CFI: variants seen among roughly 807,000 people sequenced by gnomAD.
The protein encoded by CFI is C3B/C4B inactivator.
Under a neutral mutation model 78.8 loss-of-function variants are expected in CFI, and 66 were observed. The observed-to-expected ratio is 0.84, with a 90% CI of 0.69 to 1.03. The LOEUF (loss-of-function observed/expected upper bound fraction) is 1.03. CFI is among the 50% of genes least tolerant of loss of function. The pLI is 0.00. For synonymous variants in CFI, 250 were observed against 232.6 expected (o/e 1.07, Z -0.68); for missense variants, 706 against 704.5 (o/e 1.00, Z -0.02).
chr4:109,746,316 C>T lies in CFI; in HGVS notation c.1335G>A (p.Glu445=), dbSNP rs150663120. The change falls in exon 11 of 13, where the codon GAG becomes GAA. Residue 445 remains glutamate (E), a synonymous_variant. Transcript: ENST00000394634. ...MKKDGNKKDC[E]LPRSIPACVP... Reference sequence around the variant, plus strand: ...CACAGGCAGGGATGGAACGAGGCAGCTCACAATCTTTTTTGTTTCCGTCTT... The same window carrying T: ...CACAGGCAGGGATGGAACGAGGCAGTTCACAATCTTTTTTGTTTCCGTCTT... 2 of 1,614,148 alleles carry T rather than the reference C, an allele frequency of 1.2e-6. No individual in the cohort carries two copies. Among genetic ancestry groups the T allele is most frequent in the Admixed American group, 1.7e-5 (1 of 60,016 alleles).
intron 1 of CFI, among the ~76,000 whole-genome samples, chr4:109,786,381 A>G (rs1000959460): frequency 1.3e-5 from 2 of 151,952 alleles, no homozygotes; most frequent in Admixed American, 6.6e-5. Context: ...ATTTTTATGT[A>G]AACTTTATCT....
At chr4:109,795,584 A>T (rs1034163266) in intron 1 of CFI, among the ~76,000 whole-genome samples, 1 of 152,206 alleles carries the variant, frequency 6.6e-6, no homozygotes, top group African/African-American at 2.4e-5. Flanking sequence ...AAAGAGCTAT[A>T]AAAGGACACA....
chr4:109,751,438 CTTTTT>C (rs66497003), intron 8 of CFI, among the ~76,000 whole-genome samples: 1 of 100,352 alleles, frequency 1.0e-5, no homozygotes, highest in Non-Finnish European at 1.8e-5. Flanking sequence ...AGAGCTAAAT[CTTTTT>C]TTTTTTTTTT....
chr4:109,759,987 A>T (rs1726826538), intron 6 of CFI: 1 of 545,456 alleles, frequency 1.8e-6, no homozygotes, highest in Admixed American at 2.7e-5. Context: ...AACTATCAAT[A>T]ACTTGCAGGT....
At chr4:109,783,419 A>G (rs1035832342) in intron 1 of CFI, among the ~76,000 whole-genome samples, 5 of 152,162 alleles carry the variant, frequency 3.3e-5, no homozygotes, top group Non-Finnish European at 7.4e-5. Context: ...AAACATATGA[A>G]AAAATGCTCA....
intron 1 of CFI, among the ~76,000 whole-genome samples, chr4:109,799,480 C>A (rs371635329): frequency 1.3e-5 from 2 of 152,086 alleles, no homozygotes; most frequent in South Asian, 2.1e-4. Context: ...TTTGCTGCAC[C>A]AGAGTTAGGA....
At chr4:109,760,182 C>A in intron 6 of CFI, 88 bp downstream of exon 6, 1 of 870,488 alleles carries the variant, frequency 1.1e-6, no homozygotes, top group Non-Finnish European at 2.0e-6. Flanking sequence ...CATCTATGTT[C>A]CCCTTAAGAT....
chr4:109,788,723 G>A (rs4600912), intron 1 of CFI, among the ~76,000 whole-genome samples: 36,353 of 151,880 alleles, frequency 0.24, 4,963 homozygotes, highest in Admixed American at 0.36. Context: ...AAAATGCAAA[G>A]TGAACATTTT....
At chr4:109,796,169 TTTC>T (rs1349110558) in intron 1 of CFI, among the ~76,000 whole-genome samples, 3 of 152,186 alleles carry the variant, frequency 2.0e-5, no homozygotes, top group Non-Finnish European at 1.5e-5. Context: ...ATTCTTCAAA[TTTC>T]TTCTTCTTCA....
intron 1 of CFI, among the ~76,000 whole-genome samples, chr4:109,784,217 C>T (rs1039621983): frequency 6.6e-6 from 1 of 151,924 alleles, no homozygotes; most frequent in Non-Finnish European, 1.5e-5. Flanking sequence ...AAGTGATGAA[C>T]AACTGTGTTA....
At chr4:109,755,926 T>C (rs1726074389) in intron 7 of CFI, among the ~76,000 whole-genome samples, 1 of 152,156 alleles carries the variant, frequency 6.6e-6, no homozygotes, top group African/African-American at 2.4e-5. Flanking sequence ...AGTGGAGTAT[T>C]TTATACAGCA....
chr4:109,734,924 A>T, the CFI span, among the ~76,000 whole-genome samples: 1 of 152,204 alleles, frequency 6.6e-6, no homozygotes, highest in African/African-American at 2.4e-5. Flanking sequence ...ATACCTTGGA[A>T]TGGGAGATTC....
At chr4:109,770,571 A>G (rs1395897037) in intron 1 of CFI, among the ~76,000 whole-genome samples, 1 of 142,148 alleles carries the variant, frequency 7.0e-6, no homozygotes, top group Non-Finnish European at 1.6e-5. Context: ...AAAAAAAAAG[A>G]AAAAAAAAGA....
At chr4:109,734,126 T>G in the CFI span, among the ~76,000 whole-genome samples, 1 of 152,110 alleles carries the variant, frequency 6.6e-6, no homozygotes, top group Non-Finnish European at 1.5e-5. Context: ...GAGCCAAGAT[T>G]GCGCTATTGC....
At position 109,766,798 on chromosome 4, in the gene CFI, C is replaced by T; in HGVS notation, c.84G>A (p.Leu28=). Residue 28 remains leucine (L), a synonymous_variant, in exon 2 of 13, where the codon CTG becomes CTA. Coordinates refer to ENST00000394634, the MANE Select transcript of CFI (RefSeq NM_000204.5). ...CKVTYTSQED[L]VEKKCLAKKY... ...TTTTTGCTAAGCACTTTTTCTCCACCAGATCCTCTTGAGATGTATAAGTGA... is the reference window on the plus strand; with the variant it reads ...TTTTTGCTAAGCACTTTTTCTCCACTAGATCCTCTTGAGATGTATAAGTGA... 1 of 1,614,130 alleles carries T rather than the reference C, an allele frequency of 6.2e-7. No homozygotes were observed. The highest frequency in any genetic ancestry group is 8.5e-7 in the Non-Finnish European group (1 of 1,180,026).
intron 6 of CFI, among the ~76,000 whole-genome samples, chr4:109,758,529 T>C (rs1726609977): frequency 6.6e-6 from 1 of 152,042 alleles, no homozygotes. Flanking sequence ...AAGGAAAAAA[T>C]GAAGCATTAT....
rs371791344 is a variant in CFI at position 109,745,819 on chromosome 4, C to G, written c.1429+403G>C. ...CAAACAGTCCATGCTGTATGTCTCCCTGTCTCTATATTTTTTTCTTGGTGA... is the reference window on the plus strand; with the variant it reads ...CAAACAGTCCATGCTGTATGTCTCCGTGTCTCTATATTTTTTTCTTGGTGA... On this transcript the variant is annotated intron_variant, in intron 11 of 12. Transcript: ENST00000394634. Among the ~76,000 whole-genome samples, 10 of 152,258 alleles carry G rather than the reference C, an allele frequency of 6.6e-5. No individual in the cohort carries two copies. The East Asian group carries it at 1.4e-3, about 21-fold the overall frequency.
chr4:109,766,115 C>G (rs1023803582), intron 2 of CFI, among the ~76,000 whole-genome samples: 5 of 152,034 alleles, frequency 3.3e-5, no homozygotes, highest in African/African-American at 7.2e-5. Flanking sequence ...CAGACTCCGT[C>G]TCAAAAAAAC....
chr4:109,747,365 T>TC (rs1476985807), intron 10 of CFI, among the ~76,000 whole-genome samples: 1 of 151,278 alleles, frequency 6.6e-6, no homozygotes, highest in Non-Finnish European at 1.5e-5. Context: ...AAAAAAATTT[T>TC]TTTGTAGAAA....
Sources: allele counts gnomAD v4.1 joint callset (sites outside exome capture counted in the v4.1 genomes callset), GRCh38; gene constraint gnomAD v4.1.1; transcripts MANE v1.5; gene names NCBI Gene and HGNC (gene_info 2026-07-23, HGNC 2026-07-21).